DSTYK: variants seen among roughly 807,000 people sequenced by gnomAD.
DSTYK encodes dual serine/threonine and tyrosine protein kinase.
A neutral mutation model predicts 98.7 loss-of-function variants in DSTYK; 34 were observed. The ratio of observed to expected loss-of-function variants is 0.34; its 90% CI spans 0.26 to 0.46. The LOEUF is 0.46. Among genes scored for constraint, DSTYK ranks in the 20% least tolerant of loss-of-function variants. DSTYK has a pLI of 1.00. For synonymous variants in DSTYK, 462 were observed against 457.3 expected (o/e 1.01, Z -0.13); for missense variants, 962 against 1,181.7 (o/e 0.81, Z 2.73).
At chr1:205,148,128 G>A in intron 12 of DSTYK, 77 bp downstream of exon 12, 1 of 1,582,432 alleles carries the variant, frequency 6.3e-7, no homozygotes, top group South Asian at 1.1e-5. Flanking sequence ...GGGATGACAG[G>A]AGACCCGGTG....
chr1:205,201,825 C>T (rs1379796550), intron 1 of DSTYK, among the ~76,000 whole-genome samples: 1 of 152,108 alleles, frequency 6.6e-6, no homozygotes, highest in Non-Finnish European at 1.5e-5. Context: ...TTTGGGAAGC[C>T]AAGACGGGAG....
At chr1:205,160,080 C>A in intron 8 of DSTYK, 34 bp downstream of exon 8, 1 of 1,612,020 alleles carries the variant, frequency 6.2e-7, no homozygotes, top group Non-Finnish European at 8.5e-7. Context: ...TTCTCTGGAT[C>A]TTTCTCATAG....
Position 205,160,209 on chromosome 1 carries a change from G to C in DSTYK, c.2010C>G (p.Asp670Glu). Reference protein sequence around the residue: ...RGQYGVVYLCDNWGGHFPCAL... With the variant: ...RGQYGVVYLCENWGGHFPCAL... ...CACAAGGGAAGTGTCCTCCCCAGTT[G>C]TCACACAGGTATACCACACCATACT... The change falls in exon 8 of 13, where the codon GAC becomes GAG. Residue 670 changes from aspartate to glutamate, a missense_variant. Around this residue, in one of 4 missense-constraint regions of DSTYK, gnomAD observed 660 missense variants for 855.0 expected, o/e 0.77. Coordinates refer to ENST00000367162, the MANE Select transcript of DSTYK (RefSeq NM_015375.3). The C allele has an allele frequency of 6.2e-7, 1 of 1,614,122 alleles. No homozygotes were observed. The highest frequency in any genetic ancestry group is 1.3e-5 in the African/African-American group (1 of 75,030).
chr1:205,183,465 T>C (rs954614301), intron 2 of DSTYK, among the ~76,000 whole-genome samples: 12 of 152,146 alleles, frequency 7.9e-5, no homozygotes. Flanking sequence ...AAACTGAAAA[T>C]GGCTAATTTA....
chr1:205,197,686 T>C (rs935077671), intron 1 of DSTYK, among the ~76,000 whole-genome samples: 2 of 152,174 alleles, frequency 1.3e-5, no homozygotes, highest in Non-Finnish European at 2.9e-5. Context: ...TCTCCACTTT[T>C]GCCCTGCACA....
chr1:205,169,427 G>C lies in DSTYK; in HGVS notation c.1060C>G (p.Arg354Gly), dbSNP rs573628666. 7 of 1,614,128 alleles carry C rather than the reference G, an allele frequency of 4.3e-6. No homozygotes were observed. Among genetic ancestry groups the C allele is most frequent in the Middle Eastern group, 3.3e-4 (2 of 6,062 alleles). The change falls in exon 3 of 13, where the codon CGC becomes GGC. Residue 354 changes from arginine to glycine, a missense_variant. By Grantham distance (125) the Arg-to-Gly change is moderately radical. Coordinates refer to ENST00000367162, the MANE Select transcript of DSTYK (RefSeq NM_015375.3). The surrounding 1 kb of genome is among the most constrained non-coding windows in gnomAD (Gnocchi z 4.0). ...AGGGCCTTGGCTGCATCCACCAGGCGAGTCTGTAACACCTGGTGAGAAAAT... is the reference window on the plus strand; with the variant it reads ...AGGGCCTTGGCTGCATCCACCAGGCCAGTCTGTAACACCTGGTGAGAAAAT... Reference protein sequence around the residue: ...STFSHQVLQTRLVDAAKALNL... With the variant: ...STFSHQVLQTGLVDAAKALNL...
chr1:205,201,013 C>G (rs998569274), intron 1 of DSTYK, among the ~76,000 whole-genome samples: 1 of 152,020 alleles, frequency 6.6e-6, no homozygotes, highest in Non-Finnish European at 1.5e-5. Context: ...TCAAGCTGTT[C>G]TCCTGCCTCA....
chr1:205,183,791 CAG>C (rs1328414746), intron 2 of DSTYK, among the ~76,000 whole-genome samples: 1 of 152,174 alleles, frequency 6.6e-6, no homozygotes, highest in Non-Finnish European at 1.5e-5. Flanking sequence ...ATGTATCTAA[CAG>C]AGACAGGAGC....
chr1:205,161,409 T>C (rs376175361), intron 6 of DSTYK, 22 bp from the exon 7 acceptor site: 25 of 1,613,580 alleles, frequency 1.5e-5, no homozygotes, highest in African/African-American at 2.7e-5. Flanking sequence ...ACAGAAAAAG[T>C]ACATATGACT....
intron 9 of DSTYK, among the ~76,000 whole-genome samples, chr1:205,159,250 C>T (rs559682305): frequency 4.6e-5 from 7 of 152,162 alleles, no homozygotes; most frequent in Admixed American, 6.5e-5. Context: ...CCACCATACT[C>T]AGCTAACTTT....
chr1:205,173,609 G>C (rs931485744), intron 2 of DSTYK, among the ~76,000 whole-genome samples: 1 of 151,946 alleles, frequency 6.6e-6, no homozygotes, highest in African/African-American at 2.4e-5. Flanking sequence ...TTTTCTGATG[G>C]ATTATCTTAA....
chr1:205,194,494 T>G (rs991222948), intron 1 of DSTYK, among the ~76,000 whole-genome samples: 1 of 152,088 alleles, frequency 6.6e-6, no homozygotes. Flanking sequence ...CTGCAATACT[T>G]GTTCCTGGTA....
intron 2 of DSTYK, among the ~76,000 whole-genome samples, chr1:205,176,450 TG>T (rs1409704298): frequency 2.7e-5 from 3 of 111,800 alleles, no homozygotes; most frequent in Non-Finnish European, 5.0e-5. Flanking sequence ...CACTCCAGCC[TG>T]GGCAACAAGA....
At position 205,144,903 on chromosome 1, in the gene DSTYK, G is replaced by A. The variant is rs892512221; in HGVS notation, c.*2655C>T. On this transcript the variant is annotated 3_prime_UTR_variant, in exon 13 of 13. Coordinates refer to ENST00000367162, the MANE Select transcript of DSTYK (RefSeq NM_015375.3). ...AGGAAAAAAATCTAACCTCCCATAT[G>A]TGAATGAGAGTATGAGCTAATACTT... is the stretch of plus-strand genomic sequence containing the variant. 2.6e-4 allele frequency: 40 copies of A among 152,188 alleles called. No homozygotes were observed. The highest frequency in any genetic ancestry group is 7.7e-4 in the African/African-American group (32 of 41,440). The allele number at this position is 152,188 out of a possible 1,614,324, so 9.4% of individuals were successfully genotyped here. A position where few individuals can be genotyped will look rare whatever the true frequency, so the allele number is the denominator to read the frequency against.
intron 1 of DSTYK, among the ~76,000 whole-genome samples, chr1:205,192,584 G>A (rs1304984752): frequency 6.6e-6 from 1 of 151,942 alleles, no homozygotes; most frequent in Middle Eastern, 3.2e-3. Context: ...AAACCAGGCT[G>A]GGCGTAGTGG....
At chr1:205,157,724 T>C (rs981869803) in intron 9 of DSTYK, among the ~76,000 whole-genome samples, 1 of 145,686 alleles carries the variant, frequency 6.9e-6, no homozygotes, top group African/African-American at 2.5e-5. Flanking sequence ...ATGGTGCCAC[T>C]GCACTTCAGC....
At chr1:205,163,031 A>ACATGTCCT in intron 4 of DSTYK, 25 bp from the exon 5 acceptor site, 1 of 1,582,718 alleles carries the variant, frequency 6.3e-7, no homozygotes, top group Non-Finnish European at 8.7e-7. Flanking sequence ...GCCAAAGAAA[A>ACATGTCCT]CATGTCCTCA....
At chr1:205,176,416 C>T (rs111781287) in intron 2 of DSTYK, among the ~76,000 whole-genome samples, 2,241 of 123,624 alleles carry the variant, frequency 0.018, 53 homozygotes, top group African/African-American at 0.062. Context: ...GCGGAGGTTG[C>T]GGTGAGCCGA....
At chr1:205,191,586 G>C (rs1362000865) in intron 1 of DSTYK, among the ~76,000 whole-genome samples, 1 of 152,196 alleles carries the variant, frequency 6.6e-6, no homozygotes, top group African/African-American at 2.4e-5. Flanking sequence ...AATGATGTGA[G>C]GGGGATGGGT....
Sources: allele counts gnomAD v4.1 joint callset (sites outside exome capture counted in the v4.1 genomes callset), GRCh38; gene constraint gnomAD v4.1.1; regional missense constraint gnomAD v4.1.1; non-coding constraint Gnocchi (gnomAD v3.1); transcripts MANE v1.5; gene names NCBI Gene and HGNC (gene_info 2026-07-23, HGNC 2026-07-21).